NDST4: variants seen among roughly 807,000 people sequenced by gnomAD.
NDST4 encodes the protein N-heparan sulfate sulfotransferase 4.
In NDST4, 63 loss-of-function variants were observed where a neutral mutation model predicts 100.8. The ratio of observed to expected loss-of-function variants is 0.62; its 90% CI spans 0.51 to 0.77. The LOEUF is 0.77. Ranked by LOEUF, NDST4 falls within the 30% of genes least tolerant of loss-of-function variation. The probability of loss-of-function intolerance (pLI) is 0.00; values close to 1 mark genes in which losing one functional copy is unlikely to be tolerated. For missense variants in NDST4, 943 were observed against 1,018.4 expected, an observed-to-expected ratio of 0.93 and a Z score of 1.01; for synonymous variants, 377 against 361.8, an observed-to-expected ratio of 1.04 and a Z score of -0.48.
In NDST4 at chr4:114,852,065, T is replaced by TGAA. The variant is rs543876491; in HGVS notation, c.1816+657_1816+659dup. On this transcript the variant is annotated intron_variant, in intron 8 of 13. Transcript: ENST00000264363. ...CAAAGTGTATAAAACTGTCACATAC[T>TGAA]GAAGAAAGTATAAAATATTCTAATT... is the stretch of plus-strand genomic sequence containing the variant. Among the ~76,000 whole-genome samples, 444 of 152,284 alleles carry TGAA rather than the reference T, an allele frequency of 2.9e-3. 1 individual carries two copies. Among genetic ancestry groups the TGAA allele is most frequent in the Non-Finnish European group, 4.9e-3 (336 of 67,980 alleles).
intron 2 of NDST4, among the ~76,000 whole-genome samples, chr4:114,977,544 AT>A (rs1726666627): frequency 6.6e-6 from 1 of 151,824 alleles, no homozygotes; most frequent in South Asian, 2.1e-4. Context: ...CACTGAAATC[AT>A]TTTTCATTTC....
Position 115,053,280 on chromosome 4 carries a change from G to A in NDST4, c.978+22779C>T, listed in dbSNP as rs112198945. ...TGATGAACATTTTAACACTAGTAAAGAATTAGTAATGGAATTTCAGAAAAA... is the reference window on the plus strand; with the variant it reads ...TGATGAACATTTTAACACTAGTAAAAAATTAGTAATGGAATTTCAGAAAAA... On this transcript the variant is annotated intron_variant, in intron 2 of 13. Coordinates refer to ENST00000264363, the MANE Select transcript of NDST4 (RefSeq NM_022569.3). Among the ~76,000 whole-genome samples, 701 of 152,172 alleles carry A rather than the reference G, an allele frequency of 4.6e-3. 7 individuals are homozygous for A. Among genetic ancestry groups the A allele is most frequent in the African/African-American group, 0.015 (635 of 41,536 alleles).
chr4:114,923,394 A>T (rs1725326823), intron 6 of NDST4, among the ~76,000 whole-genome samples: 1 of 152,196 alleles, frequency 6.6e-6, no homozygotes, highest in Non-Finnish European at 1.5e-5. Context: ...AAAAATAAAT[A>T]TTAAGGAAAA....
At chr4:114,845,782 T>C (rs777275295) in intron 10 of NDST4, 41 bp downstream of exon 10, 27 of 1,551,880 alleles carry the variant, frequency 1.7e-5, no homozygotes, top group Non-Finnish European at 2.3e-5. Flanking sequence ...CCATTTAAGC[T>C]ATAACAAAAT....
chr4:114,990,734 G>A (rs1035360917), intron 2 of NDST4, among the ~76,000 whole-genome samples: 9 of 151,962 alleles, frequency 5.9e-5, no homozygotes, highest in Admixed American at 3.9e-4. Flanking sequence ...CACTTTTTGG[G>A]ACAATTTCTG....
chr4:114,982,981 T>A (rs1473101816), intron 2 of NDST4, among the ~76,000 whole-genome samples: 1 of 152,172 alleles, frequency 6.6e-6, no homozygotes, highest in East Asian at 1.9e-4. Flanking sequence ...GCTCCAAGCC[T>A]TGGTGGCTTC....
intron 4 of NDST4, among the ~76,000 whole-genome samples, chr4:114,965,473 A>G (rs1013561683): frequency 6.6e-6 from 1 of 151,956 alleles, no homozygotes; most frequent in Non-Finnish European, 1.5e-5. Context: ...TTATGAAAAA[A>G]GTTATATAGA....
At chr4:115,043,568 T>A (rs529853413) in intron 2 of NDST4, among the ~76,000 whole-genome samples, 1 of 151,980 alleles carries the variant, frequency 6.6e-6, no homozygotes, top group Non-Finnish European at 1.5e-5. Flanking sequence ...GATAAGAACA[T>A]AGGTTTTTAG....
At chr4:115,089,230 A>ATAC (rs1729466489) in intron 1 of NDST4, among the ~76,000 whole-genome samples, 1 of 151,964 alleles carries the variant, frequency 6.6e-6, no homozygotes, top group Non-Finnish European at 1.5e-5. Flanking sequence ...AAGGATATAA[A>ATAC]ATGGTTTATA....
chr4:115,077,914 G>A (rs866291400), intron 1 of NDST4, among the ~76,000 whole-genome samples: 2 of 152,150 alleles, frequency 1.3e-5, no homozygotes, highest in Non-Finnish European at 2.9e-5. Flanking sequence ...TAATGAAACA[G>A]AGGACAGAAC....
chr4:114,871,828 A>G (rs1293225414), intron 6 of NDST4, among the ~76,000 whole-genome samples: 1 of 152,000 alleles, frequency 6.6e-6, no homozygotes, highest in Non-Finnish European at 1.5e-5. Context: ...TCATTTTACT[A>G]TTTACTGTAT....
chr4:114,933,655 T>G (rs1276257091), intron 6 of NDST4, among the ~76,000 whole-genome samples: 1 of 151,812 alleles, frequency 6.6e-6, no homozygotes, highest in Non-Finnish European at 1.5e-5. Flanking sequence ...AACAACTTAA[T>G]AGTAAGAAAA....
chr4:115,023,715 T>G (rs1272704977), intron 2 of NDST4, among the ~76,000 whole-genome samples: 3 of 152,018 alleles, frequency 2.0e-5, no homozygotes, highest in African/African-American at 7.3e-5. Context: ...GAAACAAGGG[T>G]GTAGCCATCC....
intron 4 of NDST4, among the ~76,000 whole-genome samples, chr4:114,946,770 A>G (rs1725874781): frequency 6.6e-6 from 1 of 152,194 alleles, no homozygotes; most frequent in Non-Finnish European, 1.5e-5. Flanking sequence ...AGGCTGTGCA[A>G]TGCGGCAACA....
intron 13 of NDST4, among the ~76,000 whole-genome samples, chr4:114,828,823 C>T (rs1220328335): frequency 6.6e-6 from 1 of 152,178 alleles, no homozygotes; most frequent in African/African-American, 2.4e-5. Context: ...TATTTCAACA[C>T]AAATGGTCTT....
chr4:114,907,761 T>G (rs2126213049), intron 6 of NDST4, among the ~76,000 whole-genome samples: 1 of 152,148 alleles, frequency 6.6e-6, no homozygotes, highest in South Asian at 2.1e-4. Flanking sequence ...GAGGAGGTTG[T>G]ACTTGAAATG....
intron 4 of NDST4, among the ~76,000 whole-genome samples, chr4:114,957,362 C>T (rs551471673): frequency 1.3e-5 from 2 of 152,234 alleles, no homozygotes; most frequent in South Asian, 2.1e-4. Flanking sequence ...GGGATCTCCC[C>T]TTTATTAAAT....
Position 114,955,691 on chromosome 4 carries a change from A to G in NDST4, c.1221+14739T>C, listed in dbSNP as rs188103822. Among the ~76,000 whole-genome samples the G allele has an allele frequency of 7.9e-5, 12 of 152,322 alleles. No homozygotes were observed. In the East Asian group the frequency reaches 2.3e-3, roughly 29 times the overall value. The stretch of plus-strand genomic sequence containing the variant: ...CCCATAACAGGTGAAAATTATTTTA[A>G]AAACATTAAAAATATCTGGAAAGTG... On this transcript the variant is annotated intron_variant, in intron 4 of 13. Coordinates refer to ENST00000264363, the MANE Select transcript of NDST4 (RefSeq NM_022569.3).
At chr4:115,022,451 TATATATGTGTTCC>T in intron 2 of NDST4, among the ~76,000 whole-genome samples, 1 of 25,690 alleles carries the variant, frequency 3.9e-5, no homozygotes, top group East Asian at 3.5e-3. Flanking sequence ...ATGTGTTCCA[TATATATGTGTTCC>T]ATATATATGT....
Sources: allele counts gnomAD v4.1 joint callset (sites outside exome capture counted in the v4.1 genomes callset), GRCh38; gene constraint gnomAD v4.1.1; transcripts MANE v1.5; gene names NCBI Gene and HGNC (gene_info 2026-07-23, HGNC 2026-07-21).